The following MSRA variants were observed in gnomAD, a reference collection of about 807,000 sequenced individuals.
MSRA encodes methionine sulfoxide reductase A.
In MSRA, 54 loss-of-function variants were observed where a neutral mutation model predicts 31.3. The observed-to-expected ratio is 1.73, with a 90% CI of 1.39 to 2.17. The LOEUF (loss-of-function observed/expected upper bound fraction) is 2.17. MSRA is among the 30% of genes most tolerant of loss of function. The probability of loss-of-function intolerance (pLI) is 0.00; values close to 1 mark genes in which losing one functional copy is unlikely to be tolerated. For synonymous variants in MSRA, 169 were observed against 116.5 expected, an observed-to-expected ratio of 1.45 and a Z score of -2.90; for missense variants, 507 against 300.9, an observed-to-expected ratio of 1.69 and a Z score of -5.07.
chr8:10,077,904 T>A (rs1048784522), intron 1 of MSRA, among the ~76,000 whole-genome samples: 3 of 152,162 alleles, frequency 2.0e-5, no homozygotes, highest in African/African-American at 7.2e-5. Context: ...GCTACAGTAT[T>A]TATATATGTC....
In MSRA at chr8:10,311,790, C is replaced by G. The variant is rs184629410; in HGVS notation, c.437-8093C>G. 9.9e-5 allele frequency among the ~76,000 whole-genome samples: 15 copies of G among 152,122 alleles called. No homozygotes were observed. The East Asian group carries it at 2.9e-3, about 30-fold the overall frequency. On this transcript the variant is annotated intron_variant, in intron 4 of 5. Coordinates refer to ENST00000317173, the MANE Select transcript of MSRA (RefSeq NM_012331.5). ...AAACTAGCTGGGCATGGTGGCACAT[C>G]CCTGTAGTCCCAGCTACTCAGGAGT...
At position 10,267,242 on chromosome 8, in the gene MSRA, A is replaced by C. The variant is rs1384630748; in HGVS notation, c.331+22019A>C. On this transcript the variant is annotated intron_variant, in intron 3 of 5. Coordinates refer to ENST00000317173, the MANE Select transcript of MSRA (RefSeq NM_012331.5). ...CATGTAATTATGTCTCTGGACGGCT[A>C]TCCCAAACAATGTGGAGCACGGGCT... Among the ~76,000 whole-genome samples, 3 of 152,342 alleles carry C rather than the reference A, an allele frequency of 2.0e-5. No homozygotes were observed. The East Asian group carries it at 5.8e-4, about 29-fold the overall frequency.
intron 1 of MSRA, among the ~76,000 whole-genome samples, chr8:10,071,018 G>T (rs556349725): frequency 2.0e-5 from 3 of 152,170 alleles, no homozygotes; most frequent in Non-Finnish European, 4.4e-5. Context: ...AAGTGCCCAG[G>T]AGTGCAATTG....
intron 1 of MSRA, among the ~76,000 whole-genome samples, chr8:10,126,658 G>A (rs780921736): frequency 2.4e-4 from 37 of 152,082 alleles, no homozygotes; most frequent in African/African-American, 7.2e-4. Context: ...GATTATAGGC[G>A]TCTGCCACCA....
intron 3 of MSRA, among the ~76,000 whole-genome samples, chr8:10,284,337 C>A (rs574286903): frequency 2.6e-5 from 4 of 151,986 alleles, no homozygotes; most frequent in Admixed American, 6.6e-5. Context: ...TATAGGCGCC[C>A]GCCACCACAC....
At chr8:10,191,074 A>G (rs1432049936) in intron 1 of MSRA, among the ~76,000 whole-genome samples, 1 of 152,236 alleles carries the variant, frequency 6.6e-6, no homozygotes, top group African/African-American at 2.4e-5. Context: ...CTTAGACTAG[A>G]GGTCCTATAA....
At chr8:10,190,495 T>A (rs1169151403) in intron 1 of MSRA, among the ~76,000 whole-genome samples, 1 of 152,200 alleles carries the variant, frequency 6.6e-6, no homozygotes, top group Non-Finnish European at 1.5e-5. Context: ...TGTCTCCAGA[T>A]CAGCTCTGGC....
At chr8:10,319,408 G>A (rs1457156334) in intron 4 of MSRA, among the ~76,000 whole-genome samples, 1 of 152,080 alleles carries the variant, frequency 6.6e-6, no homozygotes, top group Non-Finnish European at 1.5e-5. Context: ...TTAGTCATAG[G>A]TGCAGGACTC....
chr8:10,067,694 CT>C (rs1797529407), intron 1 of MSRA, among the ~76,000 whole-genome samples: 1 of 152,112 alleles, frequency 6.6e-6, no homozygotes, highest in African/African-American at 2.4e-5. Flanking sequence ...GTTATCAGTG[CT>C]TTGGATTTTA....
intron 1 of MSRA, among the ~76,000 whole-genome samples, chr8:10,084,854 A>G (rs904323623): frequency 1.3e-5 from 2 of 152,048 alleles, no homozygotes; most frequent in Admixed American, 6.6e-5. Context: ...CTTTTTTAAT[A>G]GAAATAAGTC....
At chr8:10,226,235 T>C (rs1810990361) in intron 2 of MSRA, among the ~76,000 whole-genome samples, 1 of 152,196 alleles carries the variant, frequency 6.6e-6, no homozygotes, top group African/African-American at 2.4e-5. Flanking sequence ...GGCCTCAGTT[T>C]TGAATGTGGT....
chr8:10,210,877 G>C (rs1809422974), intron 2 of MSRA, among the ~76,000 whole-genome samples: 1 of 151,842 alleles, frequency 6.6e-6, no homozygotes, highest in Non-Finnish European at 1.5e-5. Context: ...GGGATTACAG[G>C]TGTGCATCAC....
intron 3 of MSRA, among the ~76,000 whole-genome samples, chr8:10,255,815 A>G (rs1798147350): frequency 6.6e-6 from 1 of 151,314 alleles, no homozygotes; most frequent in Non-Finnish European, 1.5e-5. Context: ...TTTAAAAAAC[A>G]AGTTTTAATT....
chr8:10,107,106 A>T (rs1431154166), intron 1 of MSRA, among the ~76,000 whole-genome samples: 1 of 152,318 alleles, frequency 6.6e-6, no homozygotes, highest in African/African-American at 2.4e-5. Context: ...GTGGTGAAGG[A>T]CTACAGATCA....
At position 10,245,143 on chromosome 8, in the gene MSRA, T is replaced by A. The variant is rs776336448; in HGVS notation, c.251T>A (p.Val84Asp). 3 of 1,613,682 alleles carry A rather than the reference T, an allele frequency of 1.9e-6. No individual in the cohort carries two copies. Among genetic ancestry groups the A allele is most frequent in the Admixed American group, 1.7e-5 (1 of 60,000 alleles). The change falls in exon 3 of 6, where the codon GTC becomes GAC. Residue 84 changes from valine to aspartate, a missense_variant. Val to Asp is a radical substitution (Grantham distance 152). Coordinates refer to ENST00000317173, the MANE Select transcript of MSRA (RefSeq NM_012331.5). ...TGGGGAGCTGAAAGGAAATTCTGGGTCTTGAAAGGAGTGTATTCAACTCAA... is the reference window on the plus strand; with the variant it reads ...TGGGGAGCTGAAAGGAAATTCTGGGACTTGAAAGGAGTGTATTCAACTCAA... The part of the protein sequence containing the change: ...CFWGAERKFW[V>D]LKGVYSTQVG...
chr8:10,069,374 G>A lies in MSRA; in HGVS notation c.142+14716G>A, dbSNP rs550145942. 2.6e-5 allele frequency among the ~76,000 whole-genome samples: 4 copies of A among 152,272 alleles called. No individual in the cohort carries two copies. The East Asian group carries it at 7.7e-4, about 29-fold the overall frequency. On this transcript the variant is annotated intron_variant, in intron 1 of 5. Transcript: ENST00000317173. ...GAAAGCATCTAGTTTCTACTTTTAG[G>A]TATGATATTAGCTCTGGATTTTTAA...
chr8:10,327,563 C>G (rs1024898535), intron 5 of MSRA, among the ~76,000 whole-genome samples: 2 of 152,202 alleles, frequency 1.3e-5, no homozygotes, highest in African/African-American at 4.8e-5. Flanking sequence ...TCAGTTAAGC[C>G]CTGACAAATT....
chr8:10,184,577 C>G (rs551114560), intron 1 of MSRA, among the ~76,000 whole-genome samples: 5 of 151,902 alleles, frequency 3.3e-5, no homozygotes, highest in Admixed American at 6.6e-5. Flanking sequence ...TTTTTAGAAA[C>G]TAGCAAGACA....
intron 2 of MSRA, among the ~76,000 whole-genome samples, chr8:10,236,860 T>G (rs1398504695): frequency 6.6e-6 from 1 of 152,198 alleles, no homozygotes; most frequent in Non-Finnish European, 1.5e-5. Flanking sequence ...GCTTAAGATC[T>G]TTATGGAGAA....
Sources: gnomAD v4.1 joint callset for allele counts (sites outside exome capture counted in the v4.1 genomes callset) on GRCh38, gnomAD v4.1.1 for gene constraint, MANE v1.5 for transcripts, NCBI Gene and HGNC (gene_info 2026-07-23, HGNC 2026-07-21) for gene names.